The following CUEDC1 variants were observed in gnomAD, a reference collection of about 807,000 sequenced individuals.
CUEDC1 encodes CUE domain containing 1, also known as CUE domain-containing protein 1.
In CUEDC1, 30 loss-of-function variants were observed where a neutral mutation model predicts 43.7. The observed-to-expected ratio is 0.69, with a 90% CI of 0.51 to 0.93. The LOEUF is 0.93. Ranked by LOEUF, CUEDC1 falls within the 40% of genes least tolerant of loss-of-function variation. CUEDC1 has a pLI of 0.00. For synonymous variants in CUEDC1, 223 were observed against 223.6 expected, an observed-to-expected ratio of 1.00 and a Z score of 0.02; for missense variants, 486 against 549.0, an observed-to-expected ratio of 0.89 and a Z score of 1.15.
intron 1 of CUEDC1, among the ~76,000 whole-genome samples, chr17:57,927,397 A>G (rs2074758449): frequency 1.1e-5 from 1 of 94,144 alleles, no homozygotes; most frequent in Middle Eastern, 5.5e-3. Flanking sequence ...AGGGAGAAAG[A>G]AAAAAAAAAA....
intron 1 of CUEDC1, among the ~76,000 whole-genome samples, chr17:57,928,804 C>T (rs1438127203): frequency 3.6e-5 from 4 of 111,958 alleles, no homozygotes; most frequent in African/African-American, 1.5e-4. Flanking sequence ...GATATAAACT[C>T]GGGGTGGGGG....
rs2074179137 is a variant in CUEDC1, at chr17:57,879,754, C to G, written c.337-16G>C. 1 of 1,589,400 alleles carries G rather than the reference C, an allele frequency of 6.3e-7. No individual in the cohort carries two copies. Among genetic ancestry groups the G allele is most frequent in the South Asian group, 1.2e-5 (1 of 86,726 alleles). On this transcript the variant is annotated splice_polypyrimidine_tract_variant and intron_variant, in intron 2 of 10. Coordinates refer to ENST00000577830, the MANE Select transcript of CUEDC1 (RefSeq NM_001271875.2). The stretch of plus-strand genomic sequence containing the variant: ...TTTCCAAGATCTAAATCAGAGGCAA[C>G]AGAGAAAGAAATATTAATCATCCCT...
At chr17:57,874,522 AG>A (rs1452338198) in intron 3 of CUEDC1, among the ~76,000 whole-genome samples, 1 of 152,130 alleles carries the variant, frequency 6.6e-6, no homozygotes, top group African/African-American at 2.4e-5. Flanking sequence ...GTAGAGGAAG[AG>A]GGGGTGGCAC....
In CUEDC1 at chr17:57,885,216, G is replaced by A. The variant is rs749002457; in HGVS notation, c.336+13C>T. ...TCCAGTGGTGGTTGGAATTACCCGG[G>A]CTGCGCCCCTACCTCCGGGGGGATG... is the stretch of plus-strand genomic sequence containing the variant. On this transcript the variant is annotated intron_variant, in intron 2 of 10. Coordinates refer to ENST00000577830, the MANE Select transcript of CUEDC1 (RefSeq NM_001271875.2). 2 of 1,549,196 alleles carry A rather than the reference G, an allele frequency of 1.3e-6. No individual in the cohort carries two copies. Among genetic ancestry groups the A allele is most frequent in the South Asian group, 1.2e-5 (1 of 81,116 alleles).
intron 8 of CUEDC1, 181 bp from the exon 9 acceptor site, chr17:57,867,596 A>G (rs2073978768): frequency 1.6e-6 from 1 of 618,094 alleles, no homozygotes; most frequent in Non-Finnish European, 2.9e-6. Flanking sequence ...TGGTATGGCC[A>G]GGCCCTGACA....
At chr17:57,931,229 G>A (rs1236551652) in intron 1 of CUEDC1, among the ~76,000 whole-genome samples, 1 of 152,110 alleles carries the variant, frequency 6.6e-6, no homozygotes, top group East Asian at 1.9e-4. Context: ...CGAGGCTGCA[G>A]TGAGCTGTGT....
At chr17:57,916,658 C>T (rs1395505113) in intron 1 of CUEDC1, among the ~76,000 whole-genome samples, 1 of 151,518 alleles carries the variant, frequency 6.6e-6, no homozygotes, top group Non-Finnish European at 1.5e-5. Context: ...CACTGGGAGC[C>T]CTTTCAGGCC....
At chr17:57,880,307 C>T (rs934698984) in intron 2 of CUEDC1, among the ~76,000 whole-genome samples, 5 of 152,190 alleles carry the variant, frequency 3.3e-5, no homozygotes, top group Admixed American at 1.3e-4. Flanking sequence ...AACAACCTGG[C>T]GCTGTAGGAT....
intron 1 of CUEDC1, among the ~76,000 whole-genome samples, chr17:57,921,451 C>G (rs567493983): frequency 1.3e-5 from 2 of 152,292 alleles, no homozygotes; most frequent in East Asian, 3.9e-4. Flanking sequence ...GGAAGATATA[C>G]GGAGTAACCT....
intron 3 of CUEDC1, among the ~76,000 whole-genome samples, chr17:57,875,056 C>T (rs1328657927): frequency 6.6e-6 from 1 of 152,116 alleles, no homozygotes; most frequent in Non-Finnish European, 1.5e-5. Flanking sequence ...ACTCCCATTC[C>T]TAGGCCAAAT....
In CUEDC1 at chr17:57,867,533, C is replaced by T. The variant is rs1484674287; in HGVS notation, c.1035-118G>A. The T allele has an allele frequency of 3.4e-6, 3 of 888,974 alleles. No individual in the cohort carries two copies. In the African/African-American group the frequency reaches 4.9e-5, roughly 15 times the overall value. The allele number at this position is 888,974 out of a possible 1,614,324, so 55.1% of individuals were successfully genotyped here. A position where few individuals can be genotyped will look rare whatever the true frequency, so the allele number is the denominator to read the frequency against. ...CTCTGGAGGTACCTGACACACCCAC[C>T]TGACCCCCCACACCCTTAGTACTGT... On this transcript the variant is annotated intron_variant, in intron 8 of 10. Coordinates refer to ENST00000577830, the MANE Select transcript of CUEDC1 (RefSeq NM_001271875.2).
At chr17:57,937,069 T>G (rs1337554376) in intron 1 of CUEDC1, among the ~76,000 whole-genome samples, 1 of 151,964 alleles carries the variant, frequency 6.6e-6, no homozygotes, top group Admixed American at 6.5e-5. Flanking sequence ...TCTGCCCACC[T>G]CGGCCTCCCA....
At chr17:57,938,960 CTTTTTTTTT>C (rs55687937) in intron 1 of CUEDC1, among the ~76,000 whole-genome samples, 4 of 82,666 alleles carry the variant, frequency 4.8e-5, no homozygotes, top group African/African-American at 8.7e-5. Context: ...CGTGCCCAGC[CTTTTTTTTT>C]TTTTTTTTTT....
At chr17:57,881,408 G>GAACAC (rs749909745) in intron 2 of CUEDC1, among the ~76,000 whole-genome samples, 52 of 152,362 alleles carry the variant, frequency 3.4e-4, no homozygotes, top group Admixed American at 9.8e-4. Flanking sequence ...AAAAGAGAGA[G>GAACAC]AACACTGTAA....
intron 1 of CUEDC1, among the ~76,000 whole-genome samples, chr17:57,910,129 C>T (rs2074568091): frequency 6.6e-6 from 1 of 152,162 alleles, no homozygotes; most frequent in Admixed American, 6.6e-5. Context: ...GCTGGGATCA[C>T]AGGCACACGC....
intron 10 of CUEDC1, among the ~76,000 whole-genome samples, chr17:57,864,077 A>C (rs1186558922): frequency 1.3e-5 from 2 of 152,064 alleles, no homozygotes; most frequent in Non-Finnish European, 2.9e-5. Flanking sequence ...AATGGAACTA[A>C]AGTGGTGTTT....
At chr17:57,880,520 A>C (rs2074189327) in intron 2 of CUEDC1, among the ~76,000 whole-genome samples, 1 of 152,126 alleles carries the variant, frequency 6.6e-6, no homozygotes, top group African/African-American at 2.4e-5. Context: ...CTCCTTCCCA[A>C]GCTCTTGTCT....
intron 2 of CUEDC1, 83 bp from the exon 3 acceptor site, chr17:57,879,821 G>A: frequency 7.2e-7 from 1 of 1,391,926 alleles, no homozygotes; most frequent in Non-Finnish European, 9.8e-7. Context: ...AAGTGTGGGA[G>A]GGCAGGTATA....
At chr17:57,906,898 G>A (rs1340188034) in intron 1 of CUEDC1, among the ~76,000 whole-genome samples, 4 of 151,470 alleles carry the variant, frequency 2.6e-5, no homozygotes, top group Non-Finnish European at 4.4e-5. Context: ...TTGAACCCAG[G>A]AGGTGGAGGT....
Sources: allele counts gnomAD v4.1 joint callset (sites outside exome capture counted in the v4.1 genomes callset), GRCh38; gene constraint gnomAD v4.1.1; transcripts MANE v1.5; gene names NCBI Gene and HGNC (gene_info 2026-07-23, HGNC 2026-07-21).